TLE4: variants seen among roughly 807,000 people sequenced by gnomAD.
TLE4 encodes the protein TLE family member 4, transcriptional corepressor.
A neutral mutation model predicts 92.8 loss-of-function variants in TLE4; 8 were observed. The observed-to-expected ratio is 0.09, with a 90% CI of 0.05 to 0.16. The LOEUF (loss-of-function observed/expected upper bound fraction) is 0.16, where lower values mean the gene tolerates loss of function less well. Among genes scored for constraint, TLE4 ranks in the 10% least tolerant of loss-of-function variants. TLE4 has a pLI of 1.00. For synonymous variants in TLE4, 371 were observed against 374.1 expected, an observed-to-expected ratio of 0.99 and a Z score of 0.10; for missense variants, 675 against 997.6, an observed-to-expected ratio of 0.68 and a Z score of 4.36.
In TLE4 at chr9:79,722,471, C is replaced by T. The variant is rs751057592; in HGVS notation, c.2007C>T (p.Cys669=). 3 of 1,614,158 alleles carry T rather than the reference C, an allele frequency of 1.9e-6. No individual in the cohort carries two copies. In the Admixed American group the frequency reaches 5.0e-5, roughly 27 times the overall value. The change falls in exon 18 of 20, where the codon TGC becomes TGT. Residue 669 remains cysteine (C), a synonymous_variant. Transcript: ENST00000376552. The stretch of plus-strand genomic sequence containing the variant: ...TCTAGATCTTTTCTCTGGGCTACTG[C>T]CCAACTGGAGAGTGGCTTGCAGTGG... The part of the protein sequence containing the change: ...FTSQIFSLGY[C]PTGEWLAVGM...
intron 8 of TLE4, among the ~76,000 whole-genome samples, chr9:79,701,134 C>T (rs1212699090): frequency 6.6e-6 from 1 of 152,174 alleles, no homozygotes; most frequent in Non-Finnish European, 1.5e-5. Flanking sequence ...GAATGGTGGA[C>T]TTACAAGATT....
chr9:79,610,118 T>C (rs968597218), intron 4 of TLE4, among the ~76,000 whole-genome samples: 2 of 152,072 alleles, frequency 1.3e-5, no homozygotes, highest in Admixed American at 1.3e-4. Flanking sequence ...GTCTGTCTGT[T>C]ATTCATCAGA....
At chr9:79,617,723 G>A (rs1463888279) in intron 5 of TLE4, among the ~76,000 whole-genome samples, 4 of 151,998 alleles carry the variant, frequency 2.6e-5, no homozygotes, top group Non-Finnish European at 5.9e-5. Context: ...TCGGTATAAT[G>A]GGATACCTGT....
At chr9:79,681,103 C>T (rs192078689) in intron 8 of TLE4, among the ~76,000 whole-genome samples, 1 of 152,232 alleles carries the variant, frequency 6.6e-6, no homozygotes, top group East Asian at 1.9e-4. Context: ...TCGGTTGTGT[C>T]TCTTACTAGC....
intron 8 of TLE4, among the ~76,000 whole-genome samples, chr9:79,667,636 C>G (rs919065361): frequency 6.6e-6 from 1 of 152,064 alleles, no homozygotes; most frequent in African/African-American, 2.4e-5. Context: ...AAATGCGTAT[C>G]CTGCCTATTG....
intron 6 of TLE4, among the ~76,000 whole-genome samples, chr9:79,636,920 A>G (rs762526115): frequency 5.3e-5 from 8 of 152,206 alleles, no homozygotes; most frequent in Non-Finnish European, 7.3e-5. Flanking sequence ...TTTGTTAAAT[A>G]CTATGCTCTG....
chr9:79,693,782 C>A, intron 8 of TLE4: 1 of 357,996 alleles, frequency 2.8e-6, no homozygotes. Flanking sequence ...ATAGCAAAAG[C>A]GCATCACTGA....
chr9:79,702,188 A>G (rs1387825042), intron 8 of TLE4, among the ~76,000 whole-genome samples: 1 of 152,160 alleles, frequency 6.6e-6, no homozygotes, highest in African/African-American at 2.4e-5. Flanking sequence ...AGGACTCTGG[A>G]TTGGGGTGTG....
intron 5 of TLE4, among the ~76,000 whole-genome samples, chr9:79,617,515 C>A (rs1443971231): frequency 6.6e-6 from 1 of 152,056 alleles, no homozygotes; most frequent in Non-Finnish European, 1.5e-5. Flanking sequence ...AATTATTCTC[C>A]AGGGTACAGT....
intron 8 of TLE4, among the ~76,000 whole-genome samples, chr9:79,678,558 G>A (rs1295129548): frequency 2.6e-5 from 4 of 151,714 alleles, no homozygotes; most frequent in East Asian, 1.9e-4. Flanking sequence ...AAAATCACCT[G>A]AACGTTGCTT....
At chr9:79,595,646 A>G (rs1272579598) in intron 4 of TLE4, among the ~76,000 whole-genome samples, 1 of 152,142 alleles carries the variant, frequency 6.6e-6, no homozygotes, top group Non-Finnish European at 1.5e-5. Context: ...GGTTAAAGAT[A>G]AGAATCAAAT....
chr9:79,629,336 CCTTCA>C (rs1564496537), intron 6 of TLE4, among the ~76,000 whole-genome samples: 3 of 151,856 alleles, frequency 2.0e-5, no homozygotes, highest in African/African-American at 4.8e-5. Flanking sequence ...GAACAAGTTC[CCTTCA>C]CTTCACATCA....
At chr9:79,667,580 CTG>C (rs1448660459) in intron 8 of TLE4, among the ~76,000 whole-genome samples, 1 of 152,060 alleles carries the variant, frequency 6.6e-6, no homozygotes. Flanking sequence ...GTTTTATAGT[CTG>C]TTTACGGATG....
rs113487180 is a variant in TLE4 at position 79,704,746 on chromosome 9, A to T, written c.610-37A>T. ...AAAATCACTCGGCTAAATAGATGAT[A>T]ATTTCTCAACCATGCTTCCTCTCCT... On this transcript the variant is annotated intron_variant, in intron 8 of 19. Coordinates refer to ENST00000376552, the MANE Select transcript of TLE4 (RefSeq NM_007005.6). 5.0e-4 allele frequency: 794 copies of T among 1,589,424 alleles called. 5 individuals carry two copies. Among genetic ancestry groups the T allele is most frequent in the African/African-American group, 4.6e-3 (336 of 73,240 alleles).
rs772800164 is a variant in TLE4, at chr9:79,708,156, C to A, written c.975C>A (p.Thr325=). Residue 325 remains threonine (T), a synonymous_variant, in exon 12 of 20, where the codon ACC becomes ACA. Transcript: ENST00000376552. ...CTACTCCCGTCTCAAAGTCCAATAC[C>A]CCTACTCCACGAACTGATGCGCCCA... ...KSTTPVSKSN[T]PTPRTDAPTP... is the part of the protein sequence containing the mutation. The A allele has an allele frequency of 5.0e-6, 8 of 1,613,912 alleles. No homozygotes were observed. The Middle Eastern group carries it at 8.2e-4, about 166-fold the overall frequency.
intron 4 of TLE4, among the ~76,000 whole-genome samples, chr9:79,607,572 G>T (rs761552538): frequency 2.0e-5 from 3 of 152,148 alleles, no homozygotes. Flanking sequence ...AAGGGATCCA[G>T]TTTCAGCTTT....
At chr9:79,598,674 A>G (rs1434879945) in intron 4 of TLE4, among the ~76,000 whole-genome samples, 3 of 152,154 alleles carry the variant, frequency 2.0e-5, no homozygotes, top group Admixed American at 6.5e-5. Flanking sequence ...AGAGTAGCAG[A>G]CAATAATCGA....
intron 16 of TLE4, among the ~76,000 whole-genome samples, chr9:79,721,234 T>C (rs2136250754): frequency 6.6e-6 from 1 of 152,282 alleles, no homozygotes; most frequent in East Asian, 1.9e-4. Context: ...TCACACTGAG[T>C]GTCTTTCCAG....
chr9:79,631,230 G>A (rs191180510), intron 6 of TLE4, among the ~76,000 whole-genome samples: 4 of 152,300 alleles, frequency 2.6e-5, no homozygotes, highest in Admixed American at 2.6e-4. Context: ...GAATGACAGC[G>A]TAAACTGTGT....
Sources: gnomAD v4.1 joint callset for allele counts (sites outside exome capture counted in the v4.1 genomes callset) on GRCh38, gnomAD v4.1.1 for gene constraint, MANE v1.5 for transcripts, NCBI Gene and HGNC (gene_info 2026-07-23, HGNC 2026-07-21) for gene names.